TWIST2: variants seen among roughly 807,000 people sequenced by gnomAD.
TWIST2 encodes the protein twist-related protein 2.
A neutral mutation model predicts 11.6 loss-of-function variants in TWIST2; 1 was observed. The observed-to-expected ratio is 0.09, with a 90% CI of 0.03 to 0.41. The LOEUF (loss-of-function observed/expected upper bound fraction) is 0.41. Ranked by LOEUF, TWIST2 falls within the 10% of genes least tolerant of loss-of-function variation. The probability of loss-of-function intolerance (pLI) is 0.98; values close to 1 mark genes in which losing one functional copy is unlikely to be tolerated. For missense variants in TWIST2, 168 were observed against 226.4 expected (o/e 0.74, Z 1.66); for synonymous variants, 87 against 96.6 (o/e 0.90, Z 0.58).
intron 1 of TWIST2, among the ~76,000 whole-genome samples, chr2:238,909,456 C>G (rs1693415820): frequency 6.6e-6 from 1 of 152,158 alleles, no homozygotes. Context: ...ACGGGGCCAA[C>G]GTGCCGAGCC....
At chr2:238,887,889 C>T (rs1009415782) in intron 1 of TWIST2, among the ~76,000 whole-genome samples, 5 of 152,196 alleles carry the variant, frequency 3.3e-5, no homozygotes, top group Admixed American at 1.3e-4. Flanking sequence ...TTTGTTGCAG[C>T]GTGAAGCCTA....
intron 1 of TWIST2, among the ~76,000 whole-genome samples, chr2:238,873,911 G>A (rs1015130234): frequency 2.0e-5 from 3 of 152,184 alleles, no homozygotes; most frequent in East Asian, 1.9e-4. Flanking sequence ...AAATGGGAAC[G>A]TCATTGTGCA....
At chr2:238,869,174 G>A (rs1692601224) in intron 1 of TWIST2, among the ~76,000 whole-genome samples, 1 of 152,190 alleles carries the variant, frequency 6.6e-6, no homozygotes, top group African/African-American at 2.4e-5. Context: ...CACAGAATGG[G>A]AAATAGGTCC....
intron 1 of TWIST2, among the ~76,000 whole-genome samples, chr2:238,875,382 T>C (rs1026941415): frequency 1.3e-5 from 2 of 151,970 alleles, no homozygotes; most frequent in African/African-American, 4.8e-5. Flanking sequence ...ACCCACTGGG[T>C]CAGACTTGTC....
intron 1 of TWIST2, among the ~76,000 whole-genome samples, chr2:238,852,437 G>A (rs1692258885): frequency 6.6e-6 from 1 of 152,144 alleles, no homozygotes. Context: ...CGCTAGCAGA[G>A]AGTTCACAAA....
At chr2:238,886,421 C>T (rs1054157224) in intron 1 of TWIST2, among the ~76,000 whole-genome samples, 5 of 152,028 alleles carry the variant, frequency 3.3e-5, no homozygotes, top group African/African-American at 9.7e-5. Context: ...TCTGGTCCCT[C>T]GTACACAGTA....
At chr2:238,861,173 A>G (rs1692427508) in intron 1 of TWIST2, among the ~76,000 whole-genome samples, 2 of 152,176 alleles carry the variant, frequency 1.3e-5, no homozygotes, top group African/African-American at 4.8e-5. Context: ...GTCACCCTCA[A>G]GCCAGACACA....
intron 1 of TWIST2, among the ~76,000 whole-genome samples, chr2:238,870,576 CACACACACACA>C (rs1692660523): frequency 2.0e-5 from 1 of 51,176 alleles, no homozygotes; most frequent in Non-Finnish European, 3.9e-5. Context: ...CACCACACAC[CACACACACACA>C]CCACACACCC....
intron 1 of TWIST2, among the ~76,000 whole-genome samples, chr2:238,903,125 A>T (rs1693298128): frequency 7.7e-6 from 1 of 130,564 alleles, no homozygotes; most frequent in African/African-American, 3.0e-5. Context: ...GGTGTGTGTG[A>T]TGTGGGGTGT....
At chr2:238,853,973 C>T (rs544645808) in intron 1 of TWIST2, among the ~76,000 whole-genome samples, 98 of 152,244 alleles carry the variant, frequency 6.4e-4, no homozygotes, top group African/African-American at 2.2e-3. Context: ...CCTCACTGAG[C>T]GGTTTTCTAT....
intron 1 of TWIST2, among the ~76,000 whole-genome samples, chr2:238,883,637 A>G (rs1380948545): frequency 1.3e-5 from 2 of 152,164 alleles, no homozygotes; most frequent in Non-Finnish European, 2.9e-5. Context: ...GCATTTGAGC[A>G]GAAGAATTTT....
chr2:238,887,519 T>C (rs1428448826), intron 1 of TWIST2, among the ~76,000 whole-genome samples: 1 of 152,224 alleles, frequency 6.6e-6, no homozygotes, highest in African/African-American at 2.4e-5. Context: ...CAATCCTTTG[T>C]TTTAAAACCC....
intron 1 of TWIST2, among the ~76,000 whole-genome samples, chr2:238,881,350 T>A (rs1692924568): frequency 6.7e-6 from 1 of 150,254 alleles, no homozygotes; most frequent in Non-Finnish European, 1.5e-5. Context: ...AGTGTCAGTG[T>A]TAGTATTAGT....
intron 1 of TWIST2, among the ~76,000 whole-genome samples, chr2:238,885,439 A>G (rs550928778): frequency 1.0e-3 from 157 of 152,332 alleles, no homozygotes; most frequent in African/African-American, 3.6e-3. Context: ...ATGTACACTG[A>G]TGAGTCTGCT....
At chr2:238,870,183 CACAT>C (rs1559273553) in intron 1 of TWIST2, among the ~76,000 whole-genome samples, 1 of 66,114 alleles carries the variant, frequency 1.5e-5, no homozygotes, top group African/African-American at 6.6e-5. Flanking sequence ...ACCCCACACA[CACAT>C]CACATACCAC....
rs1212059916 is a variant in TWIST2, at chr2:238,867,307, G to C, written c.*35+18574G>C. 6.6e-6 allele frequency among the ~76,000 whole-genome samples: 1 copy of C among 151,516 alleles called. No individual in the cohort carries two copies. The highest frequency in any genetic ancestry group is 1.9e-4 in the East Asian group (1 of 5,130). ...ACAGCCTAGCCTGGAGACATCTTGG[G>C]GGAAAGTGATTCATCTGATCTGGGA... On this transcript the variant is annotated intron_variant, in intron 1 of 1. Coordinates refer to ENST00000612363, the MANE Select transcript of TWIST2 (RefSeq NM_001271893.4). The surrounding 1 kb of genome is among the most constrained non-coding windows in gnomAD (Gnocchi z 4.8).
intron 1 of TWIST2, among the ~76,000 whole-genome samples, chr2:238,903,498 G>C (rs1480275608): frequency 7.1e-6 from 1 of 141,240 alleles, no homozygotes; most frequent in African/African-American, 2.7e-5. Context: ...AGGTGTGTGT[G>C]ATGTGTGTGT....
chr2:238,896,743 C>A (rs1693211974), intron 1 of TWIST2, among the ~76,000 whole-genome samples: 1 of 152,192 alleles, frequency 6.6e-6, no homozygotes, highest in African/African-American at 2.4e-5. Context: ...GGGAATGGGG[C>A]CAGCCGCTGC....
chr2:238,904,760 G>A (rs986557436), intron 1 of TWIST2, among the ~76,000 whole-genome samples: 20 of 151,842 alleles, frequency 1.3e-4, no homozygotes, highest in Middle Eastern at 3.2e-3. Context: ...CAATTATGTC[G>A]CAGGAATGGA....
Sources: allele counts gnomAD v4.1 joint callset (sites outside exome capture counted in the v4.1 genomes callset), GRCh38; gene constraint gnomAD v4.1.1; non-coding constraint Gnocchi (gnomAD v3.1); transcripts MANE v1.5; gene names NCBI Gene and HGNC (gene_info 2026-07-23, HGNC 2026-07-21).